PMFBP1: variants seen among roughly 807,000 people sequenced by gnomAD.
PMFBP1 encodes polyamine-modulated factor 1-binding protein 1.
Under a neutral mutation model 137.8 loss-of-function variants are expected in PMFBP1, and 131 were observed. The ratio of observed to expected loss-of-function variants is 0.95; its 90% CI spans 0.82 to 1.10. The LOEUF is 1.10. Among genes scored for constraint, PMFBP1 ranks in the 50% least tolerant of loss-of-function variants. The pLI, the probability that PMFBP1 is intolerant of heterozygous loss-of-function variation, is 0.00. For synonymous variants in PMFBP1, 490 were observed against 450.4 expected (o/e 1.09, Z -1.11); for missense variants, 1,199 against 1,175.4 (o/e 1.02, Z -0.29).
At chr16:72,165,550 T>C (rs1490982867) in intron 2 of PMFBP1, among the ~76,000 whole-genome samples, 2 of 151,780 alleles carry the variant, frequency 1.3e-5, no homozygotes, top group African/African-American at 4.8e-5. Flanking sequence ...TCCTGAGTAG[T>C]TGGGACTACA....
At chr16:72,208,044 G>C in the PMFBP1 span, among the ~76,000 whole-genome samples, 1 of 152,176 alleles carries the variant, frequency 6.6e-6, no homozygotes, top group Non-Finnish European at 1.5e-5. Flanking sequence ...TTTTTGGTCT[G>C]AATTTTTGGC....
chr16:72,140,533 G>A lies in PMFBP1; in HGVS notation c.686C>T (p.Pro229Leu), dbSNP rs1298406421. The stretch of plus-strand genomic sequence containing the variant: ...CTCCTGATGCTCTTGAATCATGCAA[G>A]GAGAAGTGTATATCCGTACCTTTGA... ...DHSKVRIYTSPCMIQEHQETQ... is the reference protein window; with the variant it reads ...DHSKVRIYTSLCMIQEHQETQ... Residue 229 changes from proline to leucine, a missense_variant, in exon 6 of 21, where the codon CCT becomes CTT. Coordinates refer to ENST00000237353, the MANE Select transcript of PMFBP1 (RefSeq NM_031293.3). 1.1e-5 allele frequency: 18 copies of A among 1,613,424 alleles called. No homozygotes were observed. Among genetic ancestry groups the A allele is most frequent in the Non-Finnish European group, 1.4e-5 (17 of 1,179,490 alleles).
chr16:72,234,365 TC>T, the PMFBP1 span, among the ~76,000 whole-genome samples: 3 of 152,062 alleles, frequency 2.0e-5, no homozygotes, highest in Admixed American at 6.6e-5. Context: ...GAAGGGACAA[TC>T]CCCAAATTCG....
At chr16:72,158,217 A>G (rs1418925167) in intron 3 of PMFBP1, among the ~76,000 whole-genome samples, 2 of 152,162 alleles carry the variant, frequency 1.3e-5, no homozygotes. Flanking sequence ...TGGACCCACT[A>G]TGGTCACCAG....
At chr16:72,193,024 T>C in the PMFBP1 span, among the ~76,000 whole-genome samples, 1 of 151,934 alleles carries the variant, frequency 6.6e-6, no homozygotes, top group Non-Finnish European at 1.5e-5. Flanking sequence ...AGCTATATAA[T>C]ACATAACAAT....
At chr16:72,184,542 G>A in the PMFBP1 span, among the ~76,000 whole-genome samples, 8 of 152,258 alleles carry the variant, frequency 5.3e-5, no homozygotes, top group African/African-American at 1.7e-4. Flanking sequence ...CAGCCCTATG[G>A]GTACTGTGGT....
chr16:72,231,520 A>C, the PMFBP1 span, among the ~76,000 whole-genome samples: 4 of 152,196 alleles, frequency 2.6e-5, no homozygotes, highest in Non-Finnish European at 5.9e-5. Context: ...GAATAAGGCA[A>C]ACATGACTAG....
intron 3 of PMFBP1, among the ~76,000 whole-genome samples, chr16:72,162,270 T>C (rs546000904): frequency 6.6e-6 from 1 of 152,320 alleles, no homozygotes; most frequent in Non-Finnish European, 1.5e-5. Context: ...TGCCCATGAA[T>C]TTTGCACCTT....
chr16:72,161,803 G>A (rs2043066593), intron 3 of PMFBP1, among the ~76,000 whole-genome samples: 1 of 152,010 alleles, frequency 6.6e-6, no homozygotes, highest in Non-Finnish European at 1.5e-5. Flanking sequence ...ATTTCACATT[G>A]CATTTAGAAG....
the PMFBP1 span, among the ~76,000 whole-genome samples, chr16:72,183,026 C>A: frequency 1.5e-4 from 23 of 152,166 alleles, no homozygotes; most frequent in African/African-American, 5.5e-4. Flanking sequence ...GGTCTTGGGG[C>A]TTTCTCCACT....
chr16:72,234,739 T>C, the PMFBP1 span, among the ~76,000 whole-genome samples: 1 of 152,336 alleles, frequency 6.6e-6, no homozygotes, highest in South Asian at 2.1e-4. Flanking sequence ...GTCAAGAACC[T>C]GAACTGACCC....
At chr16:72,162,465 T>TGC (rs2043077362) in intron 3 of PMFBP1, among the ~76,000 whole-genome samples, 1 of 152,266 alleles carries the variant, frequency 6.6e-6, no homozygotes, top group Non-Finnish European at 1.5e-5. Flanking sequence ...GGTTGTAAAC[T>TGC]ATGACCTCCT....
At chr16:72,201,026 C>G in the PMFBP1 span, among the ~76,000 whole-genome samples, 1 of 152,188 alleles carries the variant, frequency 6.6e-6, no homozygotes, top group African/African-American at 2.4e-5. Flanking sequence ...AATGTTTCCC[C>G]ATTTATTGTT....
the PMFBP1 span, among the ~76,000 whole-genome samples, chr16:72,192,385 T>G: frequency 6.6e-6 from 1 of 152,224 alleles, no homozygotes; most frequent in East Asian, 1.9e-4. Context: ...TTTTTAATTT[T>G]ATTAAATCTA....
At chr16:72,240,619 A>G in the PMFBP1 span, among the ~76,000 whole-genome samples, 1 of 152,170 alleles carries the variant, frequency 6.6e-6, no homozygotes, top group East Asian at 1.9e-4. Context: ...CTGTGCTTGA[A>G]TCATGGTGCA....
chr16:72,163,510 A>G (rs886919433), intron 3 of PMFBP1, among the ~76,000 whole-genome samples: 14 of 152,222 alleles, frequency 9.2e-5, no homozygotes, highest in Non-Finnish European at 1.5e-4. Context: ...AGTGCTACTG[A>G]GTGTCTTCAC....
intron 5 of PMFBP1, among the ~76,000 whole-genome samples, chr16:72,145,839 G>C (rs188625170): frequency 1.3e-5 from 2 of 152,282 alleles, no homozygotes; most frequent in African/African-American, 4.8e-5. Context: ...GGAAGAAGTT[G>C]AATCTCTGAA....
chr16:72,186,373 C>A, the PMFBP1 span, among the ~76,000 whole-genome samples: 1 of 152,126 alleles, frequency 6.6e-6, no homozygotes, highest in Non-Finnish European at 1.5e-5. Context: ...GAGATAGTTG[C>A]ATTTGATCCT....
the PMFBP1 span, among the ~76,000 whole-genome samples, chr16:72,217,351 T>C: frequency 5.9e-5 from 9 of 152,226 alleles, no homozygotes; most frequent in Admixed American, 1.3e-4. Context: ...ATATAGCTGA[T>C]TGATTCTCTC....
Sources: allele counts gnomAD v4.1 joint callset (sites outside exome capture counted in the v4.1 genomes callset), GRCh38; gene constraint gnomAD v4.1.1; transcripts MANE v1.5; gene names NCBI Gene and HGNC (gene_info 2026-07-23, HGNC 2026-07-21).